MAGI2: variants seen among roughly 807,000 people sequenced by gnomAD.
MAGI2 encodes the protein membrane associated guanylate kinase, WW and PDZ domain containing 2.
Under a neutral mutation model 133.3 loss-of-function variants are expected in MAGI2, and 35 were observed. The ratio of observed to expected loss-of-function variants is 0.26; its 90% CI spans 0.20 to 0.35. The LOEUF (loss-of-function observed/expected upper bound fraction) is 0.35, where lower values mean the gene tolerates loss of function less well. Among genes scored for constraint, MAGI2 ranks in the 10% least tolerant of loss-of-function variants. The probability of loss-of-function intolerance (pLI) is 1.00; values close to 1 mark genes in which losing one functional copy is unlikely to be tolerated. For missense variants in MAGI2, 1,636 were observed against 1,863.4 expected, an observed-to-expected ratio of 0.88 and a Z score of 2.25; for synonymous variants, 729 against 710.6, an observed-to-expected ratio of 1.03 and a Z score of -0.41.
At chr7:78,387,293 AAAGAT>A (rs1795474788) in intron 6 of MAGI2, among the ~76,000 whole-genome samples, 1 of 152,138 alleles carries the variant, frequency 6.6e-6, no homozygotes, top group Admixed American at 6.5e-5. Context: ...ACTCTAGGCA[AAAGAT>A]AAGAACTGTT....
intron 21 of MAGI2, among the ~76,000 whole-genome samples, chr7:78,070,427 T>A (rs1814468575): frequency 6.8e-6 from 1 of 147,520 alleles, no homozygotes; most frequent in Non-Finnish European, 1.5e-5. Context: ...TATATATATA[T>A]GTGTATATAT....
At chr7:78,948,020 A>C (rs984622342) in intron 2 of MAGI2, among the ~76,000 whole-genome samples, 1 of 152,094 alleles carries the variant, frequency 6.6e-6, no homozygotes, top group Non-Finnish European at 1.5e-5. Flanking sequence ...CCAGAAGTTA[A>C]GTTAAAATGG....
rs1847166803 is a variant in MAGI2, at chr7:79,424,100, C to T, written c.301+28920G>A. Among the ~76,000 whole-genome samples the T allele has an allele frequency of 2.0e-5, 3 of 152,094 alleles. No homozygotes were observed. In the South Asian group the frequency reaches 6.2e-4, roughly 32 times the overall value. ...ACAGAATGTTAGAAGTCACATCATCCAGTGATGTGATTTTTCACACAAATA... is the reference window on the plus strand; with the variant it reads ...ACAGAATGTTAGAAGTCACATCATCTAGTGATGTGATTTTTCACACAAATA... On this transcript the variant is annotated intron_variant, in intron 1 of 21. Coordinates refer to ENST00000354212, the MANE Select transcript of MAGI2 (RefSeq NM_012301.4).
At chr7:79,091,746 C>G (rs760426400) in intron 1 of MAGI2, among the ~76,000 whole-genome samples, 1 of 151,606 alleles carries the variant, frequency 6.6e-6, no homozygotes, top group Non-Finnish European at 1.5e-5. Context: ...CTGTAGCAGC[C>G]ATGGACGATA....
At chr7:79,364,042 T>C (rs1007967393) in intron 1 of MAGI2, among the ~76,000 whole-genome samples, 4 of 152,058 alleles carry the variant, frequency 2.6e-5, no homozygotes, top group Middle Eastern at 3.4e-3. Context: ...CATCATGAGA[T>C]ATCACCTCAC....
chr7:78,749,916 G>A (rs1823289797), intron 2 of MAGI2, among the ~76,000 whole-genome samples: 1 of 152,082 alleles, frequency 6.6e-6, no homozygotes, highest in African/African-American at 2.4e-5. Flanking sequence ...CAAGTTCTGG[G>A]ATACATGTGC....
At chr7:78,157,249 A>G (rs1268444499) in intron 16 of MAGI2, among the ~76,000 whole-genome samples, 2 of 152,206 alleles carry the variant, frequency 1.3e-5, no homozygotes, top group Middle Eastern at 3.2e-3. Context: ...CCTAAATTGA[A>G]AAGAAATAAA....
At chr7:78,253,570 C>A (rs1332132580) in intron 10 of MAGI2, 3 of 152,108 alleles carry the variant, frequency 2.0e-5, no homozygotes, top group African/African-American at 7.2e-5. Flanking sequence ...ACACTTATCC[C>A]ATCTATATTA....
At chr7:79,077,163 A>AT (rs928400588) in intron 1 of MAGI2, among the ~76,000 whole-genome samples, 4 of 152,112 alleles carry the variant, frequency 2.6e-5, no homozygotes, top group Non-Finnish European at 5.9e-5. Flanking sequence ...ACTGAAGGTG[A>AT]TTTTGTCCTA....
At chr7:78,485,180 C>T (rs1204413202) in intron 6 of MAGI2, 3 of 151,916 alleles carry the variant, frequency 2.0e-5, no homozygotes, top group Non-Finnish European at 2.9e-5. Context: ...ACCAATCTTG[C>T]ATCCAAGGTA....
At chr7:78,065,549 T>A (rs1813726245) in intron 21 of MAGI2, 1 of 670,160 alleles carries the variant, frequency 1.5e-6, no homozygotes. Context: ...TAGAGAAAGA[T>A]AATATTCATG....
At chr7:78,519,488 G>A (rs1367782615) in intron 4 of MAGI2, among the ~76,000 whole-genome samples, 1 of 152,090 alleles carries the variant, frequency 6.6e-6, no homozygotes, top group Non-Finnish European at 1.5e-5. Context: ...ACCTAGAGTT[G>A]GCTAACAATT....
At chr7:79,367,415 T>G (rs138582958) in intron 1 of MAGI2, among the ~76,000 whole-genome samples, 3 of 152,264 alleles carry the variant, frequency 2.0e-5, no homozygotes, top group Admixed American at 1.3e-4. Context: ...GGAGTGATTT[T>G]GGAGGGTGGA....
chr7:78,592,949 C>T (rs1360376562), intron 3 of MAGI2, among the ~76,000 whole-genome samples: 1 of 150,182 alleles, frequency 6.7e-6, no homozygotes, highest in African/African-American at 2.5e-5. Context: ...ATTCTGCAGC[C>T]TCAGCCTTGC....
At chr7:78,324,871 C>A (rs889975411) in intron 9 of MAGI2, among the ~76,000 whole-genome samples, 1 of 152,050 alleles carries the variant, frequency 6.6e-6, no homozygotes, top group Admixed American at 6.6e-5. Context: ...GAGGCTGAGG[C>A]AGGAGAATCG....
intron 20 of MAGI2, among the ~76,000 whole-genome samples, chr7:78,092,178 A>G (rs755963590): frequency 1.3e-5 from 2 of 152,208 alleles, no homozygotes; most frequent in African/African-American, 4.8e-5. Context: ...GAGGTCTACT[A>G]TCTTTGTTTG....
At chr7:79,355,148 G>A (rs1264507134) in intron 1 of MAGI2, among the ~76,000 whole-genome samples, 4 of 152,090 alleles carry the variant, frequency 2.6e-5, no homozygotes, top group Non-Finnish European at 5.9e-5. Context: ...CCAGGACTTC[G>A]TTCCTGCCAC....
chr7:79,392,342 A>G (rs1171884584), intron 1 of MAGI2, among the ~76,000 whole-genome samples: 2 of 152,164 alleles, frequency 1.3e-5, no homozygotes, highest in Non-Finnish European at 2.9e-5. Context: ...TCTTTATAGT[A>G]GAACGATTTA....
At chr7:79,396,904 G>C (rs1845099625) in intron 1 of MAGI2, among the ~76,000 whole-genome samples, 1 of 151,940 alleles carries the variant, frequency 6.6e-6, no homozygotes, top group Admixed American at 6.6e-5. Flanking sequence ...ACACCTTGAC[G>C]GTTAGTAGCT....
Sources: allele counts gnomAD v4.1 joint callset (sites outside exome capture counted in the v4.1 genomes callset), GRCh38; gene constraint gnomAD v4.1.1; transcripts MANE v1.5; gene names NCBI Gene and HGNC (gene_info 2026-07-23, HGNC 2026-07-21).